Variants in KCND2 observed in about 807,000 individuals in gnomAD.
The protein encoded by KCND2 is potassium voltage-gated channel subfamily D member 2.
KCND2 carries 16 observed loss-of-function variants against 54.4 expected under a neutral mutation model. The observed-to-expected ratio is 0.29, with a 90% CI of 0.20 to 0.45. KCND2 has a LOEUF of 0.45. Among genes scored for constraint, KCND2 ranks in the 20% least tolerant of loss-of-function variants. The pLI is 1.00. For missense variants in KCND2, 486 were observed against 824.2 expected (o/e 0.59, Z 5.02); for synonymous variants, 317 against 310.7 (o/e 1.02, Z -0.21).
At chr7:120,573,505 C>T (rs1261401170) in intron 1 of KCND2, among the ~76,000 whole-genome samples, 2 of 152,148 alleles carry the variant, frequency 1.3e-5, no homozygotes, top group African/African-American at 2.4e-5. Context: ...CATTTTCCCC[C>T]GTTAAGCTTA....
At chr7:120,590,842 T>A (rs767930727) in intron 1 of KCND2, among the ~76,000 whole-genome samples, 10 of 152,222 alleles carry the variant, frequency 6.6e-5, no homozygotes, top group Non-Finnish European at 1.3e-4. Flanking sequence ...ATTCATTATG[T>A]AGATCCTTGT....
rs560435161 is a variant in KCND2, at chr7:120,632,229, A to G, written c.1116-100674A>G. The stretch of plus-strand genomic sequence containing the variant: ...GTACAGAATATCTCATAATTCTACA[A>G]TTTGCTGTCATTAGTATGTAATTTC... On this transcript the variant is annotated intron_variant, in intron 1 of 5. Coordinates refer to ENST00000331113, the MANE Select transcript of KCND2 (RefSeq NM_012281.3). Among the ~76,000 whole-genome samples the G allele has an allele frequency of 3.3e-5, 5 of 152,356 alleles. No individual in the cohort carries two copies. In the East Asian group the frequency reaches 5.8e-4, roughly 18 times the overall value.
At chr7:120,570,977 C>G (rs1373540481) in intron 1 of KCND2, among the ~76,000 whole-genome samples, 1 of 152,164 alleles carries the variant, frequency 6.6e-6, no homozygotes, top group Non-Finnish European at 1.5e-5. Context: ...AGTTCCGCAA[C>G]TTTGTCTATA....
chr7:120,700,726 G>C (rs1792390084), intron 1 of KCND2, among the ~76,000 whole-genome samples: 1 of 152,114 alleles, frequency 6.6e-6, no homozygotes, highest in South Asian at 2.1e-4. Flanking sequence ...AGTACAAGCT[G>C]TTTTTTGATG....
At chr7:120,720,313 G>A (rs929619729) in intron 1 of KCND2, among the ~76,000 whole-genome samples, 4 of 152,158 alleles carry the variant, frequency 2.6e-5, no homozygotes, top group African/African-American at 9.7e-5. Context: ...CTGCTTTTAA[G>A]GGGAGGGCTG....
intron 1 of KCND2, among the ~76,000 whole-genome samples, chr7:120,711,752 G>C (rs1216482584): frequency 6.6e-6 from 1 of 152,116 alleles, no homozygotes; most frequent in Non-Finnish European, 1.5e-5. Flanking sequence ...TGAGATTTCA[G>C]TTTCTGAGCA....
intron 1 of KCND2, among the ~76,000 whole-genome samples, chr7:120,573,099 A>G (rs758875825): frequency 1.3e-5 from 2 of 152,174 alleles, no homozygotes; most frequent in African/African-American, 2.4e-5. Flanking sequence ...ATTTTATGGT[A>G]TTTTCCCAAT....
chr7:120,305,586 A>G (rs1312080219), intron 1 of KCND2, among the ~76,000 whole-genome samples: 1 of 152,086 alleles, frequency 6.6e-6, no homozygotes, highest in Non-Finnish European at 1.5e-5. Flanking sequence ...GCACATTGCT[A>G]TTTGCATTTT....
intron 1 of KCND2, among the ~76,000 whole-genome samples, chr7:120,622,439 T>G (rs1201848357): frequency 6.6e-6 from 1 of 152,082 alleles, no homozygotes; most frequent in Non-Finnish European, 1.5e-5. Context: ...ATTTTTTGCC[T>G]AAGATTATTA....
intron 1 of KCND2, among the ~76,000 whole-genome samples, chr7:120,560,671 G>A (rs959513001): frequency 6.6e-6 from 1 of 152,114 alleles, no homozygotes; most frequent in African/African-American, 2.4e-5. Flanking sequence ...CTGTCTACCG[G>A]CCTGTCTCAT....
At chr7:120,529,999 G>A (rs572458815) in intron 1 of KCND2, among the ~76,000 whole-genome samples, 6 of 151,958 alleles carry the variant, frequency 3.9e-5, no homozygotes, top group Admixed American at 6.6e-5. Flanking sequence ...CTTGACCCCA[G>A]GGGGTCAAGG....
At chr7:120,552,723 A>G (rs551929996) in intron 1 of KCND2, among the ~76,000 whole-genome samples, 1 of 152,136 alleles carries the variant, frequency 6.6e-6, no homozygotes, top group East Asian at 1.9e-4. Flanking sequence ...GGGTCACTCC[A>G]GGAGAAGGTC....
At chr7:120,466,807 C>T (rs1802376858) in intron 1 of KCND2, among the ~76,000 whole-genome samples, 2 of 152,128 alleles carry the variant, frequency 1.3e-5, no homozygotes, top group Admixed American at 1.3e-4. Context: ...AACCAAGGTA[C>T]ACAGGAGTCC....
chr7:120,389,723 G>T (rs1380474655), intron 1 of KCND2, among the ~76,000 whole-genome samples: 1 of 151,740 alleles, frequency 6.6e-6, no homozygotes, highest in East Asian at 1.9e-4. Flanking sequence ...TACCATTTTA[G>T]TTATTTTAGG....
chr7:120,495,335 A>C (rs1802834071), intron 1 of KCND2, among the ~76,000 whole-genome samples: 1 of 140,316 alleles, frequency 7.1e-6, no homozygotes, highest in African/African-American at 3.1e-5. Flanking sequence ...GCAGGATAGA[A>C]TGACAACTTT....
intron 1 of KCND2, among the ~76,000 whole-genome samples, chr7:120,408,141 G>A (rs1183218286): frequency 6.6e-6 from 1 of 151,876 alleles, no homozygotes; most frequent in Non-Finnish European, 1.5e-5. Flanking sequence ...GATGATTGAA[G>A]GGATGCGAAG....
At chr7:120,706,001 G>T (rs367965467) in intron 1 of KCND2, among the ~76,000 whole-genome samples, 2 of 151,972 alleles carry the variant, frequency 1.3e-5, no homozygotes, top group African/African-American at 4.8e-5. Flanking sequence ...TTCACTCCCA[G>T]TTGTGGGATA....
At chr7:120,282,984 T>A (rs1799287757) in intron 1 of KCND2, among the ~76,000 whole-genome samples, 1 of 152,168 alleles carries the variant, frequency 6.6e-6, no homozygotes, top group South Asian at 2.1e-4. Context: ...TAATGCCACG[T>A]AGAGATGAGT....
At chr7:120,666,299 A>T (rs950453469) in intron 1 of KCND2, among the ~76,000 whole-genome samples, 1 of 152,086 alleles carries the variant, frequency 6.6e-6, no homozygotes, top group South Asian at 2.1e-4. Context: ...GAGCACAATC[A>T]GCAAGGAGAA....
Sources: gnomAD v4.1 joint callset for allele counts (sites outside exome capture counted in the v4.1 genomes callset) on GRCh38, gnomAD v4.1.1 for gene constraint, MANE v1.5 for transcripts, NCBI Gene and HGNC (gene_info 2026-07-23, HGNC 2026-07-21) for gene names.